Variants in LTBP2 observed in about 807,000 individuals in gnomAD.
LTBP2 encodes the protein latent-transforming growth factor beta-binding protein 2.
LTBP2 carries 103 observed loss-of-function variants against 210.6 expected under a neutral mutation model. That is an observed-to-expected ratio of 0.49 (90% CI 0.42 to 0.58). The LOEUF is 0.58. Ranked by LOEUF, LTBP2 falls within the 20% of genes least tolerant of loss-of-function variation. The pLI is 0.00. For missense variants in LTBP2, 2,313 were observed against 2,494.5 expected (o/e 0.93, Z 1.55); for synonymous variants, 1,007 against 1,015.0 (o/e 0.99, Z 0.15).
intron 3 of LTBP2, among the ~76,000 whole-genome samples, chr14:74,557,577 CCGCT>C (rs1345050937): frequency 2.6e-5 from 4 of 152,188 alleles, no homozygotes; most frequent in African/African-American, 9.7e-5. Context: ...TGAAAATCCT[CCGCT>C]CATGTCCTTT....
intron 18 of LTBP2, among the ~76,000 whole-genome samples, chr14:74,511,973 G>A (rs1009169013): frequency 6.6e-6 from 1 of 152,146 alleles, no homozygotes; most frequent in Non-Finnish European, 1.5e-5. Context: ...TAGGGATCCT[G>A]GCACCCACTC....
intron 17 of LTBP2, among the ~76,000 whole-genome samples, chr14:74,517,871 C>T (rs973232921): frequency 3.2e-4 from 49 of 152,374 alleles, no homozygotes; most frequent in African/African-American, 1.0e-3. Context: ...CCTGCTACCT[C>T]CAGTTCTGTT....
At chr14:74,562,184 T>G (rs1257794461) in intron 3 of LTBP2, among the ~76,000 whole-genome samples, 1 of 150,482 alleles carries the variant, frequency 6.6e-6, no homozygotes, top group Non-Finnish European at 1.5e-5. Context: ...CACTCCAGCC[T>G]GGGTGACAAG....
chr14:74,550,446 GGTTTCTGGAAATACCTTA>G (rs2087637002), intron 7 of LTBP2, among the ~76,000 whole-genome samples: 2 of 152,158 alleles, frequency 1.3e-5, no homozygotes, highest in African/African-American at 4.8e-5. Flanking sequence ...TCTCAGATAG[GGTTTCTGGAAATACCTTA>G]GTTTCTGGAA....
At chr14:74,569,254 A>G (rs2087943313) in intron 3 of LTBP2, among the ~76,000 whole-genome samples, 1 of 152,214 alleles carries the variant, frequency 6.6e-6, no homozygotes, top group African/African-American at 2.4e-5. Context: ...TGCCCGACTC[A>G]GAGAACATCC....
At position 74,526,199 on chromosome 14, in the gene LTBP2, C is replaced by T. The variant is rs746877363; in HGVS notation, c.2389-85G>A. On this transcript the variant is annotated intron_variant, in intron 13 of 35. Coordinates refer to ENST00000261978, the MANE Select transcript of LTBP2 (RefSeq NM_000428.3). ...CTTCCACCACACTGACCCCCACCTC[C>T]GGGCTTCCTACCAGGAGCTCATTCA... is the stretch of plus-strand genomic sequence containing the variant. The T allele has an allele frequency of 2.7e-5, 36 of 1,350,452 alleles. 1 individual carries two copies. Among genetic ancestry groups the T allele is most frequent in the South Asian group, 1.6e-4 (13 of 80,246 alleles). 83.7% of individuals were successfully genotyped at this position (1,350,452 alleles called of 1,614,324 possible). A position where few individuals can be genotyped will look rare whatever the true frequency, so the allele number is the denominator to read the frequency against.
intron 3 of LTBP2, among the ~76,000 whole-genome samples, chr14:74,581,949 C>T (rs960427770): frequency 3.9e-5 from 6 of 152,068 alleles, no homozygotes; most frequent in East Asian, 3.9e-4. Flanking sequence ...CCAGCCACCC[C>T]ACTCAGGGCT....
chr14:74,527,271 C>T (rs1293007907), intron 13 of LTBP2, 76 bp downstream of exon 13: 6 of 1,542,606 alleles, frequency 3.9e-6, no homozygotes, highest in Non-Finnish European at 2.7e-6. Flanking sequence ...TGAGACACTG[C>T]CCTGGGGCCT....
At chr14:74,502,957 G>A in intron 33 of LTBP2, 23 bp from the exon 34 acceptor site, 1 of 1,608,864 alleles carries the variant, frequency 6.2e-7, no homozygotes, top group Non-Finnish European at 8.5e-7. Flanking sequence ...AGGGAGAGAA[G>A]GAGCTGGGTT....
chr14:74,509,890 C>T (rs1288867612), intron 20 of LTBP2, 31 bp from the exon 21 acceptor site: 5 of 1,613,812 alleles, frequency 3.1e-6, no homozygotes, highest in East Asian at 2.2e-5. Flanking sequence ...CTGTGTGGGA[C>T]TCTGCAGGAC....
Position 74,510,095 on chromosome 14 carries a change from G to C in LTBP2, c.3147C>G (p.Cys1049Trp), listed in dbSNP as rs768541799. 6 of 1,614,076 alleles carry C rather than the reference G, an allele frequency of 3.7e-6. 1 individual carries two copies. The Admixed American group carries it at 1.0e-4, about 27-fold the overall frequency. ...GGCGCTTCAGCATCTCTGTACCTTG[G>C]CAGCCCTTCTCATCTGAGGTGACCT... ...GYEVTSDEKGCQDVDECASRA... is the reference protein window; with the variant it reads ...GYEVTSDEKGWQDVDECASRA... The change falls in exon 20 of 36, where the codon TGC (cysteine) becomes TGG (tryptophan). Residue 1049 changes from cysteine (C) to tryptophan (W), a missense_variant. By Grantham distance (215) the Cys-to-Trp change is radical. Around this residue, in one of 3 missense-constraint regions of LTBP2, gnomAD observed 1,867 missense variants for 1,976.9 expected, o/e 0.94. Transcript: ENST00000261978.
chr14:74,551,645 C>T (rs939664387), intron 6 of LTBP2, among the ~76,000 whole-genome samples: 3 of 152,166 alleles, frequency 2.0e-5, no homozygotes, highest in Non-Finnish European at 4.4e-5. Flanking sequence ...CCCCTGTCTC[C>T]TGCATGGCCC....
intron 18 of LTBP2, among the ~76,000 whole-genome samples, 167 bp from the exon 19 acceptor site, chr14:74,511,531 C>T (rs978890217): frequency 4.6e-5 from 7 of 152,160 alleles, no homozygotes; most frequent in African/African-American, 1.7e-4. Flanking sequence ...ACCTCTCACC[C>T]ACCGTCTGGG....
At chr14:74,509,588 G>A in intron 21 of LTBP2, 146 bp downstream of exon 21, 2 of 1,271,488 alleles carry the variant, frequency 1.6e-6, no homozygotes, top group Non-Finnish European at 2.2e-6. Context: ...AGAAGCTCTT[G>A]TTGGGGCCAG....
intron 3 of LTBP2, among the ~76,000 whole-genome samples, chr14:74,563,620 C>A (rs1023823493): frequency 6.6e-6 from 1 of 151,852 alleles, no homozygotes; most frequent in Non-Finnish European, 1.5e-5. Context: ...GTTTAAATGG[C>A]GGAAAAGAAA....
chr14:74,612,163 A>C lies in LTBP2; in HGVS notation c.-219T>G. On this transcript the variant is annotated 5_prime_UTR_variant, in exon 1 of 36. Transcript: ENST00000261978. ...GCGCTCCTACTCCAGCTGGGCTCGC[A>C]CGGCTGCTGCACCTTCGCGCCTCCT... 1 of 517,312 alleles carries C rather than the reference A, an allele frequency of 1.9e-6. No homozygotes were observed. Among genetic ancestry groups the C allele is most frequent in the Non-Finnish European group, 3.3e-6 (1 of 300,422 alleles). 32.0% of individuals were successfully genotyped at this position (517,312 alleles called of 1,614,324 possible).
chr14:74,584,729 T>C (rs559910343), intron 3 of LTBP2, among the ~76,000 whole-genome samples: 5 of 152,200 alleles, frequency 3.3e-5, no homozygotes, highest in Middle Eastern at 3.4e-3. Flanking sequence ...TTCTTCCTGC[T>C]CCTAGCTGCC....
chr14:74,515,859 G>C lies in LTBP2; in HGVS notation c.2908+963C>G, dbSNP rs539381297. On this transcript the variant is annotated intron_variant, in intron 18 of 35. Transcript: ENST00000261978. The stretch of plus-strand genomic sequence containing the variant: ...CTGAGTTTTAAAGGGGGAGGACCAA[G>C]AGGGAGGCATTGGGAGGTGACACAC... Among the ~76,000 whole-genome samples, 597 of 152,314 alleles carry C rather than the reference G, an allele frequency of 3.9e-3. 3 individuals carry two copies. The highest frequency in any genetic ancestry group is 7.2e-3 in the Non-Finnish European group (489 of 68,020).
chr14:74,571,149 T>G (rs1380772594), intron 3 of LTBP2, among the ~76,000 whole-genome samples: 1 of 151,972 alleles, frequency 6.6e-6, no homozygotes. Flanking sequence ...CTGGCCAACA[T>G]AGTGAAACCC....
Sources: gnomAD v4.1 joint callset for allele counts (sites outside exome capture counted in the v4.1 genomes callset) on GRCh38, gnomAD v4.1.1 for gene constraint, gnomAD v4.1.1 regional missense constraint, MANE v1.5 for transcripts, NCBI Gene and HGNC (gene_info 2026-07-23, HGNC 2026-07-21) for gene names.